The following CDH8 variants were observed in gnomAD, a reference collection of about 807,000 sequenced individuals.
The protein encoded by CDH8 is cadherin 8.
Under a neutral mutation model 68.1 loss-of-function variants are expected in CDH8, and 17 were observed. The observed-to-expected ratio is 0.25, with a 90% confidence interval of 0.17 to 0.37. The LOEUF (loss-of-function observed/expected upper bound fraction) is 0.37, where lower values mean the gene tolerates loss of function less well. Ranked by LOEUF, CDH8 falls within the 10% of genes least tolerant of loss-of-function variation. The pLI is 1.00. For missense variants in CDH8, 763 were observed against 999.3 expected (o/e 0.76, Z 3.19); for synonymous variants, 372 against 365.1 (o/e 1.02, Z -0.21).
Position 61,822,595 on chromosome 16 carries a change from C to A in CDH8, c.836-1482G>T, listed in dbSNP as rs890592863. Among the ~76,000 whole-genome samples, 9 of 151,806 alleles carry A rather than the reference C, an allele frequency of 5.9e-5. No homozygotes were observed. In the South Asian group the frequency reaches 8.3e-4, roughly 14 times the overall value. On this transcript the variant is annotated intron_variant, in intron 5 of 11. Transcript: ENST00000577390. ...TTATTTAACAATGGGATAAAAACATCTCTCTTAGAATCACGAAGTTATAGG... is the reference window on the plus strand; with the variant it reads ...TTATTTAACAATGGGATAAAAACATATCTCTTAGAATCACGAAGTTATAGG...
At chr16:62,029,328 C>T (rs1902270134) in intron 1 of CDH8, among the ~76,000 whole-genome samples, 1 of 152,124 alleles carries the variant, frequency 6.6e-6, no homozygotes, top group South Asian at 2.1e-4. Flanking sequence ...GGGGAAAATT[C>T]CAATGTTCTG....
intron 2 of CDH8, among the ~76,000 whole-genome samples, chr16:61,982,058 C>A (rs1965541242): frequency 6.6e-6 from 1 of 152,062 alleles, no homozygotes; most frequent in Non-Finnish European, 1.5e-5. Flanking sequence ...CAATGATTAG[C>A]ACATAGTCAG....
At chr16:62,011,987 G>A (rs1198438308) in intron 2 of CDH8, among the ~76,000 whole-genome samples, 1 of 152,228 alleles carries the variant, frequency 6.6e-6, no homozygotes, top group Non-Finnish European at 1.5e-5. Flanking sequence ...GGACAGAAAT[G>A]TGGATGACCA....
chr16:61,941,228 G>A (rs747085321), intron 2 of CDH8, among the ~76,000 whole-genome samples: 4 of 152,144 alleles, frequency 2.6e-5, no homozygotes, highest in African/African-American at 4.8e-5. Flanking sequence ...TGAAATTTCC[G>A]GAGATATGAC....
chr16:62,033,349 A>G (rs1902373723), intron 1 of CDH8, among the ~76,000 whole-genome samples: 1 of 152,216 alleles, frequency 6.6e-6, no homozygotes, highest in East Asian at 1.9e-4. Flanking sequence ...CAGAGTTGAC[A>G]TGTCTACAGC....
At chr16:61,851,339 C>A (rs1219068546) in intron 4 of CDH8, among the ~76,000 whole-genome samples, 1 of 151,636 alleles carries the variant, frequency 6.6e-6, no homozygotes, top group African/African-American at 2.4e-5. Context: ...GAAAAATGGT[C>A]TGAGTTTCAA....
In CDH8 at chr16:61,996,454, C is replaced by G. The variant is rs573065268; in HGVS notation, c.252+24698G>C. On this transcript the variant is annotated intron_variant, in intron 2 of 11. Transcript: ENST00000577390. ...TCTTAAAAGAGCATTAATGTACTAA[C>G]TCATCACATTTAAAGGTGCTCATCA... 8.7e-4 allele frequency among the ~76,000 whole-genome samples: 132 copies of G among 152,298 alleles called. 1 individual carries two copies. The highest frequency in any genetic ancestry group is 1.2e-3 in the African/African-American group (50 of 41,556).
intron 10 of CDH8, chr16:61,692,730 A>G (rs774504632): frequency 1.3e-5 from 2 of 152,152 alleles, no homozygotes; most frequent in Non-Finnish European, 2.9e-5. Flanking sequence ...GAATGCTTTT[A>G]TCTGTTTTTC....
chr16:61,970,724 G>A (rs561127503), intron 2 of CDH8, among the ~76,000 whole-genome samples: 86 of 152,242 alleles, frequency 5.6e-4, no homozygotes, highest in Middle Eastern at 3.4e-3. Context: ...TTCTGACACC[G>A]TCTCCCTGGA....
chr16:61,677,383 C>G (rs893240971), intron 10 of CDH8, among the ~76,000 whole-genome samples: 1 of 151,798 alleles, frequency 6.6e-6, no homozygotes, highest in Admixed American at 6.6e-5. Flanking sequence ...CAGCCTCCAA[C>G]TTTAATTATT....
chr16:61,941,799 T>C (rs1235352036), intron 2 of CDH8, among the ~76,000 whole-genome samples: 1 of 152,212 alleles, frequency 6.6e-6, no homozygotes, highest in Non-Finnish European at 1.5e-5. Flanking sequence ...TTCATAATCT[T>C]AATCTCCTCT....
At chr16:61,939,095 T>G (rs1220371959) in intron 2 of CDH8, among the ~76,000 whole-genome samples, 1 of 152,208 alleles carries the variant, frequency 6.6e-6, no homozygotes, top group African/African-American at 2.4e-5. Context: ...CTGAGTTTCT[T>G]AATTCCTAGA....
chr16:61,837,022 A>T (rs1463892489), intron 4 of CDH8, among the ~76,000 whole-genome samples: 1 of 151,860 alleles, frequency 6.6e-6, no homozygotes, highest in Non-Finnish European at 1.5e-5. Context: ...GTTGCATTCC[A>T]CAAGTCCTGT....
chr16:61,783,605 C>G (rs1961146674), intron 8 of CDH8, among the ~76,000 whole-genome samples: 2 of 149,936 alleles, frequency 1.3e-5, no homozygotes, highest in Admixed American at 1.3e-4. Context: ...AGATACTCCT[C>G]AAGAAGAGCA....
chr16:62,027,650 C>G (rs546570502), intron 1 of CDH8, among the ~76,000 whole-genome samples: 3 of 152,308 alleles, frequency 2.0e-5, no homozygotes, highest in African/African-American at 7.2e-5. Flanking sequence ...ACATTGAATT[C>G]AAAGTGGTAT....
chr16:61,660,854 A>T (rs1291710031), intron 10 of CDH8, among the ~76,000 whole-genome samples: 1 of 152,056 alleles, frequency 6.6e-6, no homozygotes, highest in African/African-American at 2.4e-5. Context: ...TGAAATAAAG[A>T]TATTCTCGGA....
intron 10 of CDH8, among the ~76,000 whole-genome samples, chr16:61,690,399 T>C (rs1051306331): frequency 4.6e-5 from 7 of 152,028 alleles, no homozygotes; most frequent in Non-Finnish European, 8.8e-5. Context: ...TTCTCACACA[T>C]TGTTGATTCT....
intron 3 of CDH8, among the ~76,000 whole-genome samples, chr16:61,887,302 G>T: frequency 6.6e-6 from 1 of 152,180 alleles, no homozygotes; most frequent in East Asian, 1.9e-4. Flanking sequence ...AGAAAGGAAA[G>T]ATAACACCCA....
chr16:61,864,060 G>A (rs1963205303), intron 3 of CDH8, among the ~76,000 whole-genome samples: 1 of 152,088 alleles, frequency 6.6e-6, no homozygotes, highest in Admixed American at 6.6e-5. Context: ...AACCTTTTTT[G>A]GGTTGTTGTA....
Sources: gnomAD v4.1 joint callset for allele counts (sites outside exome capture counted in the v4.1 genomes callset) on GRCh38, gnomAD v4.1.1 for gene constraint, MANE v1.5 for transcripts, NCBI Gene and HGNC (gene_info 2026-07-23, HGNC 2026-07-21) for gene names.